Variants in REXO5 observed in about 807,000 individuals in gnomAD.
REXO5 encodes exonuclease NEF-sp.
A neutral mutation model predicts 88.5 loss-of-function variants in REXO5; 48 were observed. That is an observed-to-expected ratio of 0.54 (90% CI 0.43 to 0.69). REXO5 has a LOEUF of 0.69. Ranked by LOEUF, REXO5 falls within the 30% of genes least tolerant of loss-of-function variation. REXO5 has a pLI of 0.00. For synonymous variants in REXO5, 311 were observed against 336.5 expected (o/e 0.92, Z 0.83); for missense variants, 749 against 912.2 (o/e 0.82, Z 2.30).
chr16:20,821,817 T>G lies in REXO5; in HGVS notation c.531T>G (p.Ile177Met). ...TCAACCTTCAGGATGATCCCATCAT[T>G]CAAAAGTATGGCTCTAAGAAAGTGG... ...AAINLQDDPIIQKYGSKKVGL... is the reference protein window; with the variant it reads ...AAINLQDDPIMQKYGSKKVGL... Residue 177 changes from isoleucine (I) to methionine (M), a missense_variant, in exon 6 of 20, where the codon ATT becomes ATG. Physicochemically the swap from Ile to Met is conservative, Grantham distance 10 (BLOSUM62 1). Transcript: ENST00000261377. 1 of 1,608,500 alleles carries G rather than the reference T, an allele frequency of 6.2e-7. No homozygotes were observed. Among genetic ancestry groups the G allele is most frequent in the South Asian group, 1.1e-5 (1 of 89,834 alleles).
At chr16:20,846,152 T>TGTTGCAG in intron 18 of REXO5, 69 bp from the exon 19 acceptor site, 1 of 1,180,172 alleles carries the variant, frequency 8.5e-7, no homozygotes, top group Non-Finnish European at 1.3e-6. Flanking sequence ...AGAGGAAGAG[T>TGTTGCAG]GTTGCAGCCC....
chr16:20,806,736 G>T, intron 1 of REXO5, 31 bp downstream of exon 1: 1 of 1,005,334 alleles, frequency 9.9e-7, no homozygotes, highest in Non-Finnish European at 1.4e-6. Flanking sequence ...AGCCGTTTGG[G>T]TTAGAGCGGC....
intron 19 of REXO5, among the ~76,000 whole-genome samples, chr16:20,847,303 T>G (rs1045060205): frequency 1.3e-5 from 2 of 150,964 alleles, no homozygotes; most frequent in Non-Finnish European, 3.0e-5. Context: ...AGGTTTGGTG[T>G]TGTGTGCCTG....
chr16:20,811,160 G>A (rs1406384630), intron 2 of REXO5, among the ~76,000 whole-genome samples: 1 of 152,122 alleles, frequency 6.6e-6, no homozygotes, highest in Non-Finnish European at 1.5e-5. Flanking sequence ...CTCCTCTACA[G>A]GACACCTTCC....
chr16:20,846,347 C>A lies in REXO5; in HGVS notation c.2243+8C>A, dbSNP rs749519666. ...GCTGCCAGGAACCAAGAGGTAAGGA[C>A]TAGAAAGGGTATCCCTTCAGGACTC... On this transcript the variant is annotated splice_region_variant and intron_variant, in intron 19 of 19. Coordinates refer to ENST00000261377, the MANE Select transcript of REXO5 (RefSeq NM_030941.3). 1 of 1,599,302 alleles carries A rather than the reference C, an allele frequency of 6.3e-7. No individual in the cohort carries two copies. The highest frequency in any genetic ancestry group is 8.6e-7 in the Non-Finnish European group (1 of 1,166,692).
At chr16:20,807,585 GAA>G (rs1013842567) in intron 2 of REXO5, among the ~76,000 whole-genome samples, 45 of 50,580 alleles carry the variant, frequency 8.9e-4, no homozygotes, top group African/African-American at 3.2e-3. Flanking sequence ...TCACGTCTCA[GAA>G]AAAAAAAAAA....
At chr16:20,813,533 C>A (rs1030402014) in intron 3 of REXO5, among the ~76,000 whole-genome samples, 1 of 152,104 alleles carries the variant, frequency 6.6e-6, no homozygotes, top group African/African-American at 2.4e-5. Context: ...TCAAAGATGG[C>A]AGCTATCCCT....
chr16:20,810,563 G>C (rs1176715013), intron 2 of REXO5, among the ~76,000 whole-genome samples: 3 of 152,006 alleles, frequency 2.0e-5, no homozygotes, highest in Non-Finnish European at 4.4e-5. Context: ...ACCACGCCTG[G>C]CTAATTTTTG....
rs549399287 is a variant in REXO5, at chr16:20,827,318, A to G, written c.961-35A>G. 1.4e-5 allele frequency: 23 copies of G among 1,602,728 alleles called. No homozygotes were observed. The African/African-American group carries it at 1.9e-4, about 13-fold the overall frequency. On this transcript the variant is annotated intron_variant, in intron 9 of 19. Coordinates refer to ENST00000261377, the MANE Select transcript of REXO5 (RefSeq NM_030941.3). ...GCCCACTTGTTTTTTCCTTTAGCATAAGACACTACTCATTTTATTCTCTTT... is the reference window on the plus strand; with the variant it reads ...GCCCACTTGTTTTTTCCTTTAGCATGAGACACTACTCATTTTATTCTCTTT...
chr16:20,844,023 C>T lies in REXO5; in HGVS notation c.1716C>T (p.Ile572=). 1 of 1,582,350 alleles carries T rather than the reference C, an allele frequency of 6.3e-7. No homozygotes were observed. Among genetic ancestry groups the T allele is most frequent in the Non-Finnish European group, 8.7e-7 (1 of 1,151,042 alleles). The change falls in exon 16 of 20, where the codon ATC becomes ATT. Residue 572 remains isoleucine, a synonymous_variant. Coordinates refer to ENST00000261377, the MANE Select transcript of REXO5 (RefSeq NM_030941.3). ...GTATTCTGGTAGATGGTATCTGCAT[C>T]AAGGTAGGGTGACAAGAGAAAGCCC... ...LDGILVDGIC[I]KVQRPVTELT...
intron 19 of REXO5, among the ~76,000 whole-genome samples, chr16:20,847,797 G>C (rs759052105): frequency 9.2e-5 from 14 of 152,138 alleles, no homozygotes; most frequent in Non-Finnish European, 1.6e-4. Flanking sequence ...TGCTCCTCAG[G>C]GGCAGTGTAT....
At chr16:20,847,353 T>C (rs1170523782) in intron 19 of REXO5, among the ~76,000 whole-genome samples, 2 of 151,516 alleles carry the variant, frequency 1.3e-5, no homozygotes, top group Non-Finnish European at 2.9e-5. Flanking sequence ...CGAGAATCAC[T>C]TGAACCCAGG....
chr16:20,832,850 G>A (rs1337619113), intron 12 of REXO5, among the ~76,000 whole-genome samples, 153 bp from the exon 13 acceptor site: 1 of 152,182 alleles, frequency 6.6e-6, no homozygotes, highest in Non-Finnish European at 1.5e-5. Context: ...GACTAGTGCA[G>A]TTGAGGAACT....
chr16:20,839,935 T>C (rs2081500433), intron 14 of REXO5, 76 bp downstream of exon 14: 2 of 858,944 alleles, frequency 2.3e-6, no homozygotes, highest in Non-Finnish European at 3.7e-6. Context: ...AAGTAATACA[T>C]GCTTTATTTA....
chr16:20,842,893 T>C (rs896310673), intron 15 of REXO5, among the ~76,000 whole-genome samples: 2 of 152,268 alleles, frequency 1.3e-5, no homozygotes, highest in Non-Finnish European at 2.9e-5. Flanking sequence ...AGTAATTCTA[T>C]GTTTAATTTT....
intron 7 of REXO5, among the ~76,000 whole-genome samples, chr16:20,825,043 T>C (rs887943105): frequency 1.3e-5 from 2 of 152,128 alleles, no homozygotes; most frequent in Non-Finnish European, 2.9e-5. Flanking sequence ...CTAGTTACTA[T>C]GTTTAATCAG....
intron 10 of REXO5, 52 bp downstream of exon 10, chr16:20,827,499 A>T: frequency 7.6e-7 from 1 of 1,314,086 alleles, no homozygotes; most frequent in Non-Finnish European, 1.1e-6. Flanking sequence ...CATACAAGTT[A>T]GCATGTAGTA....
At chr16:20,831,704 T>C (rs1323881644) in intron 11 of REXO5, among the ~76,000 whole-genome samples, 1 of 152,240 alleles carries the variant, frequency 6.6e-6, no homozygotes, top group Non-Finnish European at 1.5e-5. Context: ...AATAGACTTC[T>C]CATGATTTTG....
At position 20,806,716 on chromosome 16, in the gene REXO5, C is replaced by A; in HGVS notation, c.-3+11C>A. 2.0e-6 allele frequency: 2 copies of A among 985,882 alleles called. No individual in the cohort carries two copies. Among genetic ancestry groups the A allele is most frequent in the Non-Finnish European group, 1.4e-6 (1 of 690,962 alleles). The allele number at this position is 985,882 out of a possible 1,614,324, so 61.1% of individuals were successfully genotyped here. A position where few individuals can be genotyped will look rare whatever the true frequency, so the allele number is the denominator to read the frequency against. On this transcript the variant is annotated intron_variant, in intron 1 of 19. Coordinates refer to ENST00000261377, the MANE Select transcript of REXO5 (RefSeq NM_030941.3). The stretch of plus-strand genomic sequence containing the variant: ...ACCGTTGAGAATCCGGTAACCGATG[C>A]GGACGGTAAAGCCGTTTGGGTTAGA...
Sources: allele counts gnomAD v4.1 joint callset (sites outside exome capture counted in the v4.1 genomes callset), GRCh38; gene constraint gnomAD v4.1.1; transcripts MANE v1.5; gene names NCBI Gene and HGNC (gene_info 2026-07-23, HGNC 2026-07-21).